Variants in PODXL observed in about 807,000 individuals in gnomAD.
PODXL encodes podocalyxin.
Under a neutral mutation model 48.9 loss-of-function variants are expected in PODXL, and 20 were observed. The ratio of observed to expected loss-of-function variants is 0.41; its 90% confidence interval spans 0.29 to 0.59. PODXL has a LOEUF of 0.59. Among genes scored for constraint, PODXL ranks in the 20% least tolerant of loss-of-function variants. The probability of loss-of-function intolerance (pLI) is 0.31; values close to 1 mark genes in which losing one functional copy is unlikely to be tolerated. For missense variants in PODXL, 606 were observed against 675.1 expected (o/e 0.90, Z 1.13); for synonymous variants, 295 against 287.4 (o/e 1.03, Z -0.27).
intron 1 of PODXL, among the ~76,000 whole-genome samples, chr7:131,544,062 A>C (rs1210403574): frequency 6.6e-6 from 1 of 152,168 alleles, no homozygotes; most frequent in Non-Finnish European, 1.5e-5. Context: ...TCATTCACAG[A>C]TGAGGAAACT....
intron 1 of PODXL, among the ~76,000 whole-genome samples, chr7:131,528,487 G>T (rs1271428993): frequency 2.0e-5 from 3 of 152,212 alleles, no homozygotes; most frequent in Admixed American, 2.0e-4. Flanking sequence ...GCTGGATCCA[G>T]CCCCTGAGTT....
Position 131,541,967 on chromosome 7 carries a change from A to G in PODXL, c.100+14293T>C, listed in dbSNP as rs547319748. On this transcript the variant is annotated intron_variant, in intron 1 of 8. Transcript: ENST00000378555. ...CATCCCCTAAAAGTAGTTTCATGACATCAGAGAGGGGGGACAGAGGCATGA... is the reference window on the plus strand; with the variant it reads ...CATCCCCTAAAAGTAGTTTCATGACGTCAGAGAGGGGGGACAGAGGCATGA... 8.4e-4 allele frequency among the ~76,000 whole-genome samples: 128 copies of G among 152,330 alleles called. No individual in the cohort carries two copies. In the Middle Eastern group the frequency reaches 0.01, roughly 12 times the overall value.
At chr7:131,510,519 T>C (rs1797894099) in intron 2 of PODXL, among the ~76,000 whole-genome samples, 188 bp from the exon 3 acceptor site, 1 of 149,682 alleles carries the variant, frequency 6.7e-6, no homozygotes, top group Admixed American at 6.7e-5. Flanking sequence ...CAAAAATAAA[T>C]AAATAAATAA....
intron 1 of PODXL, among the ~76,000 whole-genome samples, chr7:131,517,614 C>T (rs1798022031): frequency 6.6e-6 from 1 of 152,178 alleles, no homozygotes; most frequent in Non-Finnish European, 1.5e-5. Context: ...TTGGCAGGGC[C>T]ATGCTCCCTC....
chr7:131,509,320 C>T, intron 4 of PODXL, 45 bp downstream of exon 4: 1 of 1,457,536 alleles, frequency 6.9e-7, no homozygotes, highest in Non-Finnish European at 9.6e-7. Flanking sequence ...GCCTCTTCTA[C>T]CCGAGTCTGG....
chr7:131,509,120 A>T (rs1413852809), intron 4 of PODXL, 92 bp from the exon 5 acceptor site: 4 of 1,172,834 alleles, frequency 3.4e-6, no homozygotes, highest in Middle Eastern at 1.9e-4. Flanking sequence ...GATAGGAAAG[A>T]GTTCACGGCA....
At chr7:131,517,825 G>A (rs1438634785) in intron 1 of PODXL, among the ~76,000 whole-genome samples, 4 of 151,706 alleles carry the variant, frequency 2.6e-5, no homozygotes, top group South Asian at 2.1e-4. Flanking sequence ...TGCAACCTCC[G>A]CTTTGTGGGT....
At chr7:131,505,515 T>A (rs920068256) in intron 8 of PODXL, among the ~76,000 whole-genome samples, 7 of 151,958 alleles carry the variant, frequency 4.6e-5, no homozygotes, top group Non-Finnish European at 1.0e-4. Flanking sequence ...GGCGTGGTGG[T>A]GGGCACCTGT....
In PODXL at chr7:131,542,494, A is replaced by G. The variant is rs147809259; in HGVS notation, c.100+13766T>C. On this transcript the variant is annotated intron_variant, in intron 1 of 8. Transcript: ENST00000378555. ...AATATAACGACACCTCACCTCTACAAATAATTTTTAAAATTAGCAAGGCAT... is the reference window on the plus strand; with the variant it reads ...AATATAACGACACCTCACCTCTACAGATAATTTTTAAAATTAGCAAGGCAT... Among the ~76,000 whole-genome samples, 1,078 of 152,230 alleles carry G rather than the reference A, an allele frequency of 7.1e-3. 5 individuals carry two copies. The highest frequency in any genetic ancestry group is 0.012 in the Non-Finnish European group (822 of 68,006).
At chr7:131,518,624 G>A (rs1477377802) in intron 1 of PODXL, among the ~76,000 whole-genome samples, 3 of 152,194 alleles carry the variant, frequency 2.0e-5, no homozygotes, top group African/African-American at 7.2e-5. Flanking sequence ...GCCCCATGTA[G>A]GGTTCAGGCT....
At chr7:131,508,282 C>A (rs965435825) in intron 5 of PODXL, among the ~76,000 whole-genome samples, 1 of 152,170 alleles carries the variant, frequency 6.6e-6, no homozygotes, top group African/African-American at 2.4e-5. Flanking sequence ...TCTCTCCCAC[C>A]CATCCCATCA....
At chr7:131,556,128 T>A (rs1798738100) in intron 1 of PODXL, 132 bp downstream of exon 1, 3 of 1,230,730 alleles carry the variant, frequency 2.4e-6, no homozygotes, top group Non-Finnish European at 3.1e-6. Context: ...CAGGGCTCCG[T>A]GTGTGACCCC....
intron 8 of PODXL, among the ~76,000 whole-genome samples, chr7:131,505,292 T>C (rs1226000558): frequency 6.6e-6 from 1 of 152,186 alleles, no homozygotes; most frequent in Non-Finnish European, 1.5e-5. Context: ...ATGAGGAACC[T>C]GATGCCCAAA....
intron 1 of PODXL, among the ~76,000 whole-genome samples, chr7:131,536,602 C>G (rs1798377946): frequency 6.6e-6 from 1 of 152,170 alleles, no homozygotes; most frequent in South Asian, 2.1e-4. Context: ...CCTAATCTGG[C>G]CTTCCCTGCC....
chr7:131,520,445 T>A (rs1798073592), intron 1 of PODXL: 1 of 258,592 alleles, frequency 3.9e-6, no homozygotes, highest in African/African-American at 2.3e-5. Context: ...CTCTATACTT[T>A]GGTTACCCAC....
intron 1 of PODXL, among the ~76,000 whole-genome samples, chr7:131,541,117 T>C (rs1319490940): frequency 1.3e-5 from 2 of 152,196 alleles, no homozygotes; most frequent in African/African-American, 4.8e-5. Flanking sequence ...AATCCCAGAC[T>C]AAATCCGTGC....
At chr7:131,524,079 G>A (rs925841664) in intron 1 of PODXL, among the ~76,000 whole-genome samples, 3 of 152,222 alleles carry the variant, frequency 2.0e-5, no homozygotes, top group South Asian at 2.1e-4. Flanking sequence ...GATTACAGGC[G>A]TGAGCCACTG....
At chr7:131,510,436 G>A (rs751952009) in intron 2 of PODXL, 105 bp from the exon 3 acceptor site, 73 of 274,616 alleles carry the variant, frequency 2.7e-4, no homozygotes, top group Admixed American at 5.0e-4. Context: ...GCTTGAACCC[G>A]GAGGTGGAGG....
chr7:131,532,585 G>A (rs1584823862), intron 1 of PODXL, among the ~76,000 whole-genome samples: 1 of 152,050 alleles, frequency 6.6e-6, no homozygotes. Context: ...TGACTCCTGG[G>A]GTTGTGCTCT....
Sources: gnomAD v4.1 joint callset for allele counts (sites outside exome capture counted in the v4.1 genomes callset) on GRCh38, gnomAD v4.1.1 for gene constraint, MANE v1.5 for transcripts, NCBI Gene and HGNC (gene_info 2026-07-23, HGNC 2026-07-21) for gene names.